Variants in DOT1L observed in about 807,000 individuals in gnomAD.
DOT1L encodes histone-lysine N-methyltransferase, H3 lysine-79 specific.
Under a neutral mutation model 153.3 loss-of-function variants are expected in DOT1L, and 33 were observed. The observed-to-expected ratio is 0.22, with a 90% confidence interval of 0.16 to 0.29. The LOEUF (loss-of-function observed/expected upper bound fraction) is 0.29. Ranked by LOEUF, DOT1L falls within the 10% of genes least tolerant of loss-of-function variation. The pLI, the probability that DOT1L is intolerant of heterozygous loss-of-function variation, is 1.00. For missense variants in DOT1L, 1,847 were observed against 2,119.9 expected, an observed-to-expected ratio of 0.87 and a Z score of 2.53; for synonymous variants, 1,135 against 965.1, an observed-to-expected ratio of 1.18 and a Z score of -3.26.
At chr19:2,177,626 T>G (rs55678414) in intron 1 of DOT1L, among the ~76,000 whole-genome samples, 25,180 of 152,046 alleles carry the variant, frequency 0.17, 3,334 homozygotes, top group African/African-American at 0.36. Flanking sequence ...CGTGTTGAAG[T>G]TCTTTAGCCA....
chr19:2,169,199 G>T (rs145107241), intron 1 of DOT1L, among the ~76,000 whole-genome samples: 1 of 152,258 alleles, frequency 6.6e-6, no homozygotes, highest in African/African-American at 2.4e-5. Context: ...TAGCAGCCGG[G>T]GCGGGGTGAG....
chr19:2,202,840 A>G, intron 9 of DOT1L, 61 bp downstream of exon 9: 2 of 1,566,172 alleles, frequency 1.3e-6, no homozygotes, highest in Non-Finnish European at 1.8e-6. Flanking sequence ...GGTGGCCAGG[A>G]GGTCCCCGCA....
intron 1 of DOT1L, among the ~76,000 whole-genome samples, chr19:2,177,670 C>T (rs978701193): frequency 1.3e-5 from 2 of 152,114 alleles, no homozygotes; most frequent in African/African-American, 2.4e-5. Context: ...TCACTTTGTC[C>T]GGGGCCTGCA....
At chr19:2,176,938 G>T (rs2021968271) in intron 1 of DOT1L, among the ~76,000 whole-genome samples, 1 of 152,192 alleles carries the variant, frequency 6.6e-6, no homozygotes. Context: ...GAGGAAAGGG[G>T]TCTCACAGAA....
chr19:2,184,813 A>G (rs756493433), intron 2 of DOT1L, among the ~76,000 whole-genome samples: 3 of 152,174 alleles, frequency 2.0e-5, no homozygotes, highest in Non-Finnish European at 4.4e-5. Context: ...TTTAGAGTGA[A>G]GCAGCTTTTC....
intron 27 of DOT1L, 123 bp from the exon 28 acceptor site, chr19:2,229,656 TGTCATG>T: frequency 6.3e-7 from 1 of 1,595,112 alleles, no homozygotes; most frequent in Non-Finnish European, 8.5e-7. Flanking sequence ...GCACTATGCC[TGTCATG>T]GTGCTGGCCC....
chr19:2,226,358 G>T lies in DOT1L; in HGVS notation c.3837G>T (p.Leu1279=). Residue 1279 remains leucine (L), a synonymous_variant, in exon 27 of 28, where the codon CTG becomes CTT. Transcript: ENST00000398665. ...QNSLFTFRPA[L]EEPSADAKLA... ...CCCTGTTCACGTTCCGGCCCGCCCTGGAGGAGCCCTCTGCCGATGCCAAGC... is the reference window on the plus strand; with the variant it reads ...CCCTGTTCACGTTCCGGCCCGCCCTTGAGGAGCCCTCTGCCGATGCCAAGC... 1 of 1,593,898 alleles carries T rather than the reference G, an allele frequency of 6.3e-7. No homozygotes were observed.
chr19:2,202,816 CATG>C (rs755815617), intron 9 of DOT1L, 37 bp downstream of exon 9: 1 of 1,611,616 alleles, frequency 6.2e-7, no homozygotes, highest in South Asian at 1.1e-5. Flanking sequence ...GCTGGTGTGA[CATG>C]ATTGAGGAAG....
chr19:2,193,627 G>A lies in DOT1L; in HGVS notation c.494-62G>A. 1.3e-6 allele frequency: 2 copies of A among 1,548,248 alleles called. No individual in the cohort carries two copies. Among genetic ancestry groups the A allele is most frequent in the Non-Finnish European group, 1.8e-6 (2 of 1,125,290 alleles). ...CTTGTGGCCTCTGTCTCCGAGCCTA[G>A]CACGGCCTCCCGGGTGGCATCTGAG... is the stretch of plus-strand genomic sequence containing the variant. On this transcript the variant is annotated intron_variant, in intron 5 of 27. Transcript: ENST00000398665. The surrounding 1 kb of genome is among the most constrained non-coding windows in gnomAD (Gnocchi z 5.9).
At position 2,231,478 on chromosome 19, in the gene DOT1L, G is replaced by A. The variant is rs1448607187; in HGVS notation, c.*1686G>A. 1 of 206,348 alleles carries A rather than the reference G, an allele frequency of 4.8e-6. No individual in the cohort carries two copies. Among genetic ancestry groups the A allele is most frequent in the East Asian group, 7.3e-5 (1 of 13,680 alleles). The allele number at this position is 206,348 out of a possible 1,614,324, so 12.8% of individuals were successfully genotyped here. A position where few individuals can be genotyped will look rare whatever the true frequency, so the allele number is the denominator to read the frequency against. ...AGACCCCTGCTTGTGCCTGGTGAGGGGGGTGCTGCCTCCCCCAGCCCCCAA... is the reference window on the plus strand; with the variant it reads ...AGACCCCTGCTTGTGCCTGGTGAGGAGGGTGCTGCCTCCCCCAGCCCCCAA... On this transcript the variant is annotated 3_prime_UTR_variant, in exon 28 of 28. Transcript: ENST00000398665.
intron 1 of DOT1L, among the ~76,000 whole-genome samples, chr19:2,168,188 C>G (rs1156831733): frequency 6.6e-6 from 1 of 152,168 alleles, no homozygotes; most frequent in East Asian, 1.9e-4. Context: ...TGAAGACAGG[C>G]CGGGCACAGG....
At chr19:2,228,274 C>T (rs773903511) in intron 27 of DOT1L, 5 of 1,358,348 alleles carry the variant, frequency 3.7e-6, no homozygotes, top group Admixed American at 3.9e-5. Context: ...GCCACGGGGC[C>T]GTCCGCGGTG....
chr19:2,174,411 G>A (rs2021803837), intron 1 of DOT1L, among the ~76,000 whole-genome samples: 1 of 152,208 alleles, frequency 6.6e-6, no homozygotes, highest in South Asian at 2.1e-4. Flanking sequence ...GTCAGGTTGG[G>A]CACAGTGGCT....
In DOT1L at chr19:2,209,121, G is replaced by A. The variant is rs908130741; in HGVS notation, c.1005+145G>A. 7 of 815,752 alleles carry A rather than the reference G, an allele frequency of 8.6e-6. No individual in the cohort carries two copies. The African/African-American group carries it at 1.2e-4, about 14-fold the overall frequency. The allele number at this position is 815,752 out of a possible 1,614,324, so 50.5% of individuals were successfully genotyped here. ...GGGGCCCGGCCCTGTGCCCTTTCCCGCCTCCTTCCTGCTCCTCCCCACTGT... is the reference window on the plus strand; with the variant it reads ...GGGGCCCGGCCCTGTGCCCTTTCCCACCTCCTTCCTGCTCCTCCCCACTGT... On this transcript the variant is annotated intron_variant, in intron 12 of 27. Transcript: ENST00000398665.
rs1405029764 is a variant in DOT1L, at chr19:2,229,796, T to A, written c.*4T>A. ...GTGCCCTTCTGCAGGTAACTAGGAT[T>A]TCTACCTCAACCGCGAGACCTATGC... On this transcript the variant is annotated 3_prime_UTR_variant, in exon 28 of 28. Coordinates refer to ENST00000398665, the MANE Select transcript of DOT1L (RefSeq NM_032482.3). 2.8e-5 allele frequency: 45 copies of A among 1,613,146 alleles called. No homozygotes were observed. Among genetic ancestry groups the A allele is most frequent in the Non-Finnish European group, 3.6e-5 (43 of 1,179,930 alleles).
chr19:2,172,253 G>A (rs1160736466), intron 1 of DOT1L, among the ~76,000 whole-genome samples: 14 of 149,194 alleles, frequency 9.4e-5, no homozygotes, highest in Admixed American at 8.0e-4. Flanking sequence ...GCAGTGGCGC[G>A]ATCTCTGCTC....
rs2022751862 is a variant in DOT1L at position 2,190,674 on chromosome 19, G to A, written c.265-338G>A. On this transcript the variant is annotated intron_variant, in intron 4 of 27. Coordinates refer to ENST00000398665, the MANE Select transcript of DOT1L (RefSeq NM_032482.3). This position sits in a 1 kb window ranked among gnomAD's most constrained non-coding sequence, Gnocchi z 4.8. Reference sequence around the variant, plus strand: ...CTGACGGGGGTCCCTTGGTGTCAGCGCCCCACCCTGCTGCCTTGGCCCAGA... The same window carrying A: ...CTGACGGGGGTCCCTTGGTGTCAGCACCCCACCCTGCTGCCTTGGCCCAGA... Among the ~76,000 whole-genome samples, 1 of 151,944 alleles carries A rather than the reference G, an allele frequency of 6.6e-6. No homozygotes were observed. The highest frequency in any genetic ancestry group is 1.5e-5 in the Non-Finnish European group (1 of 67,932).
chr19:2,183,878 G>A (rs1185664824), intron 2 of DOT1L, among the ~76,000 whole-genome samples: 1 of 152,116 alleles, frequency 6.6e-6, no homozygotes, highest in Non-Finnish European at 1.5e-5. Context: ...GCCTGCCTCG[G>A]CCTCCCAAAG....
At position 2,227,085 on chromosome 19, in the gene DOT1L, G is replaced by T; in HGVS notation, c.4564G>T (p.Ala1522Ser). ...TGCCACCAGACTGACCAACTCGCAC[G>T]CCATGGGCAGCTTTTCCGGGGTGGC... ...SAATRLTNSH[A>S]MGSFSGVAGG... The change falls in exon 27 of 28, where the codon GCC becomes TCC. Residue 1522 changes from alanine (A) to serine (S), a missense_variant. Around this residue, in one of 8 missense-constraint regions of DOT1L, gnomAD observed 934 missense variants for 825.3 expected, o/e 1.13. Transcript: ENST00000398665. 1 of 1,562,154 alleles carries T rather than the reference G, an allele frequency of 6.4e-7. No individual in the cohort carries two copies. The highest frequency in any genetic ancestry group is 1.8e-5 in the Admixed American group (1 of 54,874).
Sources: allele counts gnomAD v4.1 joint callset (sites outside exome capture counted in the v4.1 genomes callset), GRCh38; gene constraint gnomAD v4.1.1; regional missense constraint gnomAD v4.1.1; non-coding constraint Gnocchi (gnomAD v3.1); transcripts MANE v1.5; gene names NCBI Gene and HGNC (gene_info 2026-07-23, HGNC 2026-07-21).